The following DNAAF11 variants were observed in gnomAD, a reference collection of about 807,000 sequenced individuals.
DNAAF11 encodes leucine rich repeat containing 6.
In DNAAF11, 45 loss-of-function variants were observed where a neutral mutation model predicts 60.8. That is an observed-to-expected ratio of 0.74 (90% CI 0.58 to 0.95). The LOEUF is 0.95. DNAAF11 is among the 40% of genes least tolerant of loss of function. The pLI, the probability that DNAAF11 is intolerant of heterozygous loss-of-function variation, is 0.00. For missense variants in DNAAF11, 546 were observed against 546.2 expected (o/e 1.00, Z 0.00); for synonymous variants, 191 against 183.5 (o/e 1.04, Z -0.33).
chr8:132,578,094 T>C (rs952321901), intron 11 of DNAAF11, among the ~76,000 whole-genome samples: 1 of 152,118 alleles, frequency 6.6e-6, no homozygotes, highest in East Asian at 1.9e-4. Context: ...GCTATGATAT[T>C]TGTGTTTTAA....
At chr8:132,683,067 G>GA in the DNAAF11 span, among the ~76,000 whole-genome samples, 2 of 152,150 alleles carry the variant, frequency 1.3e-5, no homozygotes, top group African/African-American at 4.8e-5. Context: ...GTTTGGAGGG[G>GA]AAAAAATCAA....
chr8:132,585,099 A>G (rs189150680), intron 10 of DNAAF11, among the ~76,000 whole-genome samples: 4 of 152,310 alleles, frequency 2.6e-5, no homozygotes, highest in South Asian at 4.1e-4. Context: ...CCCATTGTTT[A>G]TCATGTGTAT....
intron 1 of DNAAF11, among the ~76,000 whole-genome samples, chr8:132,664,495 C>T (rs780137923): frequency 8.5e-5 from 13 of 152,156 alleles, no homozygotes. Context: ...CTTTGAGACA[C>T]GGTCTCACTC....
intron 11 of DNAAF11, among the ~76,000 whole-genome samples, chr8:132,582,560 C>T (rs1195097828): frequency 6.6e-6 from 1 of 152,104 alleles, no homozygotes; most frequent in East Asian, 1.9e-4. Context: ...CTTGTATGTG[C>T]AATGGAAATC....
intron 1 of DNAAF11, among the ~76,000 whole-genome samples, chr8:132,661,867 T>C (rs1824176810): frequency 6.6e-6 from 1 of 152,138 alleles, no homozygotes; most frequent in African/African-American, 2.4e-5. Context: ...CCTTTGAATG[T>C]GAAGGGTCTA....
intron 5 of DNAAF11, among the ~76,000 whole-genome samples, chr8:132,630,684 GA>G (rs1175469317): frequency 6.6e-6 from 1 of 151,730 alleles, no homozygotes; most frequent in Non-Finnish European, 1.5e-5. Context: ...CTCTCAATAA[GA>G]AAAAAACTTA....
At position 132,634,004 on chromosome 8, in the gene DNAAF11, T is replaced by A. The variant is rs1821052437; in HGVS notation, c.430-1041A>T. 2.0e-5 allele frequency among the ~76,000 whole-genome samples: 3 copies of A among 151,872 alleles called. No homozygotes were observed. The South Asian group carries it at 6.2e-4, about 32-fold the overall frequency. On this transcript the variant is annotated intron_variant, in intron 4 of 11. Coordinates refer to ENST00000620350, the MANE Select transcript of DNAAF11 (RefSeq NM_012472.6). ...TTTGCATTGTTTTAAGTCACTAAGT[T>A]TGTCTCAATTTGTTACAGCAGCAAT...
chr8:132,702,642 T>C, the DNAAF11 span, among the ~76,000 whole-genome samples: 1 of 152,196 alleles, frequency 6.6e-6, no homozygotes, highest in African/African-American at 2.4e-5. Flanking sequence ...TCTAGCACTG[T>C]TTTAAGTGTT....
At chr8:132,702,877 A>C in the DNAAF11 span, among the ~76,000 whole-genome samples, 4 of 152,374 alleles carry the variant, frequency 2.6e-5, no homozygotes, top group Admixed American at 6.5e-5. Flanking sequence ...CGAAGGACAC[A>C]GCAAGAGAGG....
chr8:132,648,463 C>T (rs1480111075), intron 3 of DNAAF11, among the ~76,000 whole-genome samples: 2 of 152,094 alleles, frequency 1.3e-5, no homozygotes, highest in Non-Finnish European at 2.9e-5. Flanking sequence ...ACAGGGATGC[C>T]CTCTCTCACC....
rs139886308 is a variant in DNAAF11 at position 132,669,986 on chromosome 8, T to C, written c.10+5498A>G. ...AAAAATTACACAGAAAAGCAACATA[T>C]CAAAATTTGCAGGATACAGCTAAAA... On this transcript the variant is annotated intron_variant, in intron 1 of 11. Coordinates refer to ENST00000620350, the MANE Select transcript of DNAAF11 (RefSeq NM_012472.6). Among the ~76,000 whole-genome samples the C allele has an allele frequency of 8.1e-4, 115 of 141,598 alleles. 4 individuals are homozygous for C. Among genetic ancestry groups the C allele is most frequent in the African/African-American group, 2.9e-3 (114 of 39,018 alleles). 92.9% of individuals were successfully genotyped at this position (141,598 alleles called of 152,430 possible). A position where few individuals can be genotyped will look rare whatever the true frequency, so the allele number is the denominator to read the frequency against.
At chr8:132,689,117 A>G in the DNAAF11 span, among the ~76,000 whole-genome samples, 1 of 152,220 alleles carries the variant, frequency 6.6e-6, no homozygotes, top group East Asian at 1.9e-4. Context: ...AAGATGGCAC[A>G]TGTCACAAAA....
intron 7 of DNAAF11, 128 bp from the exon 8 acceptor site, chr8:132,615,225 T>C: frequency 1.9e-6 from 1 of 514,238 alleles, no homozygotes; most frequent in South Asian, 3.8e-5. Flanking sequence ...CTTATTTTAG[T>C]GGTTGAACAA....
At chr8:132,615,124 A>C (rs981657725) in intron 7 of DNAAF11, 27 bp from the exon 8 acceptor site, 2 of 1,441,796 alleles carry the variant, frequency 1.4e-6, no homozygotes, top group Non-Finnish European at 2.0e-6. Flanking sequence ...TGGTGGGAAA[A>C]AAGAGATGTC....
At chr8:132,698,530 G>A in the DNAAF11 span, among the ~76,000 whole-genome samples, 2 of 152,060 alleles carry the variant, frequency 1.3e-5, no homozygotes, top group Non-Finnish European at 2.9e-5. Context: ...CAATGTGCCT[G>A]GTATAAAGAG....
chr8:132,600,450 G>A (rs1216900332), intron 10 of DNAAF11, among the ~76,000 whole-genome samples: 1 of 152,112 alleles, frequency 6.6e-6, no homozygotes, highest in Non-Finnish European at 1.5e-5. Flanking sequence ...AACCAAAAAA[G>A]GGCCCGCATT....
intron 10 of DNAAF11, 142 bp downstream of exon 10, chr8:132,610,024 C>T: frequency 3.4e-6 from 2 of 594,952 alleles, no homozygotes; most frequent in Admixed American, 2.9e-5. Flanking sequence ...CCGTTGTTCT[C>T]CTACCTCAGC....
Position 132,671,930 on chromosome 8 carries a change from A to G in DNAAF11, c.10+3554T>C, listed in dbSNP as rs1040429920. On this transcript the variant is annotated intron_variant, in intron 1 of 11. Coordinates refer to ENST00000620350, the MANE Select transcript of DNAAF11 (RefSeq NM_012472.6). ...AATTATAAAATTTCTAGGAAAAAAA[A>G]GAGAAAAATCTATGTAAACTTAGCA... Among the ~76,000 whole-genome samples, 3 of 152,060 alleles carry G rather than the reference A, an allele frequency of 2.0e-5. No homozygotes were observed. The East Asian group carries it at 5.8e-4, about 29-fold the overall frequency.
intron 10 of DNAAF11, among the ~76,000 whole-genome samples, chr8:132,595,160 G>A (rs1404182107): frequency 6.6e-6 from 1 of 151,998 alleles, no homozygotes; most frequent in African/African-American, 2.4e-5. Context: ...TAATACAGAT[G>A]TAAACAGAGA....
Sources: gnomAD v4.1 joint callset for allele counts (sites outside exome capture counted in the v4.1 genomes callset) on GRCh38, gnomAD v4.1.1 for gene constraint, MANE v1.5 for transcripts, NCBI Gene and HGNC (gene_info 2026-07-23, HGNC 2026-07-21) for gene names.